The following EFR3A variants were observed in gnomAD, a reference collection of about 807,000 sequenced individuals.
The protein encoded by EFR3A is protein EFR3 homolog A.
A neutral mutation model predicts 104.4 loss-of-function variants in EFR3A; 76 were observed. The ratio of observed to expected loss-of-function variants is 0.73; its 90% confidence interval spans 0.60 to 0.88. The LOEUF is 0.88. EFR3A is among the 40% of genes least tolerant of loss of function. The probability of loss-of-function intolerance (pLI) is 0.00; values close to 1 mark genes in which losing one functional copy is unlikely to be tolerated. For missense variants in EFR3A, 985 were observed against 1,012.5 expected (o/e 0.97, Z 0.37); for synonymous variants, 330 against 330.0 (o/e 1.00, Z 0.00).
intron 1 of EFR3A, among the ~76,000 whole-genome samples, chr8:131,931,116 C>T (rs1817583910): frequency 6.6e-6 from 1 of 151,994 alleles, no homozygotes; most frequent in South Asian, 2.1e-4. Context: ...TTCTGGTATG[C>T]CATCCCAGGG....
chr8:131,918,775 TA>T, intron 1 of EFR3A, among the ~76,000 whole-genome samples: 1 of 152,240 alleles, frequency 6.6e-6, no homozygotes, highest in Non-Finnish European at 1.5e-5. Context: ...CAAACACTCC[TA>T]CAGATTTAAC....
chr8:131,938,493 A>G (rs930947398), intron 1 of EFR3A, among the ~76,000 whole-genome samples: 2 of 152,124 alleles, frequency 1.3e-5, no homozygotes, highest in African/African-American at 2.4e-5. Context: ...ATTTTAACCT[A>G]TATGCCTTCT....
chr8:131,974,569 TG>T (rs1455464101), intron 10 of EFR3A, among the ~76,000 whole-genome samples: 1 of 152,206 alleles, frequency 6.6e-6, no homozygotes, highest in Non-Finnish European at 1.5e-5. Flanking sequence ...TGTAATTTTT[TG>T]GTAAGAGTTC....
In EFR3A at chr8:131,973,210, T is replaced by A. The variant is rs577378287; in HGVS notation, c.1159+2567T>A. Among the ~76,000 whole-genome samples the A allele has an allele frequency of 1.1e-4, 16 of 152,040 alleles. 1 individual carries two copies. The highest frequency in any genetic ancestry group is 3.9e-4 in the African/African-American group (16 of 41,440). On this transcript the variant is annotated intron_variant, in intron 10 of 22. Transcript: ENST00000254624. ...CTCCAACATTACCATGGAGTCATAATAAAGCATAGACATTCTAGTTATTGC... is the reference window on the plus strand; with the variant it reads ...CTCCAACATTACCATGGAGTCATAAAAAAGCATAGACATTCTAGTTATTGC...
intron 18 of EFR3A, among the ~76,000 whole-genome samples, chr8:131,995,825 A>G (rs1821450060): frequency 6.6e-6 from 1 of 152,178 alleles, no homozygotes; most frequent in African/African-American, 2.4e-5. Flanking sequence ...TGGTCAAATT[A>G]TAAAGCAAAA....
chr8:131,930,546 T>C (rs1421962038), intron 1 of EFR3A, among the ~76,000 whole-genome samples: 2 of 151,724 alleles, frequency 1.3e-5, no homozygotes, highest in African/African-American at 4.8e-5. Context: ...TAATTTCACT[T>C]TTCCTTTACT....
chr8:131,986,294 T>C (rs1820877276), intron 17 of EFR3A, 33 bp downstream of exon 17: 2 of 1,175,606 alleles, frequency 1.7e-6, no homozygotes, highest in Non-Finnish European at 2.5e-6. Flanking sequence ...AAGGATGGGG[T>C]ACTGACTTGA....
intron 1 of EFR3A, chr8:131,935,479 A>C (rs1429408901): frequency 2.2e-6 from 1 of 447,950 alleles, no homozygotes; most frequent in Non-Finnish European, 4.5e-6. Flanking sequence ...ACCAAAATCC[A>C]GTAATCGTAG....
chr8:131,956,722 A>G (rs748523637), intron 7 of EFR3A, among the ~76,000 whole-genome samples: 5 of 152,148 alleles, frequency 3.3e-5, no homozygotes, highest in African/African-American at 4.8e-5. Flanking sequence ...ACAAGAATCT[A>G]TAAATCACAA....
At position 131,925,425 on chromosome 8, in the gene EFR3A, C is replaced by A. The variant is rs550439200; in HGVS notation, c.11-15074C>A. Among the ~76,000 whole-genome samples the A allele has an allele frequency of 5.6e-4, 85 of 152,218 alleles. 1 individual carries two copies. The highest frequency in any genetic ancestry group is 1.1e-3 in the Non-Finnish European group (76 of 67,998). ...CCTTCAATTATCAGTAAGTTACCTA[C>A]TTAGCTCTTGCAGGCAGGTAATGCA... On this transcript the variant is annotated intron_variant, in intron 1 of 22. Coordinates refer to ENST00000254624, the MANE Select transcript of EFR3A (RefSeq NM_015137.6).
intron 8 of EFR3A, among the ~76,000 whole-genome samples, chr8:131,964,968 G>A (rs1819616362): frequency 1.3e-5 from 2 of 152,066 alleles, no homozygotes; most frequent in Admixed American, 1.3e-4. Context: ...AATGGGGAAA[G>A]GATTCCCTAT....
At chr8:131,933,114 C>T (rs1008012517) in intron 1 of EFR3A, among the ~76,000 whole-genome samples, 24 of 152,022 alleles carry the variant, frequency 1.6e-4, no homozygotes, top group African/African-American at 5.6e-4. Context: ...AAGAGTACTA[C>T]TGATATTGTA....
chr8:132,002,078 C>G (rs1821808923), intron 20 of EFR3A, among the ~76,000 whole-genome samples: 1 of 152,126 alleles, frequency 6.6e-6, no homozygotes, highest in Admixed American at 6.5e-5. Context: ...CAAACTTTGG[C>G]CAGACCATAC....
chr8:131,957,245 A>G (rs936182202), intron 7 of EFR3A, among the ~76,000 whole-genome samples: 11 of 152,324 alleles, frequency 7.2e-5, no homozygotes, highest in Non-Finnish European at 1.0e-4. Context: ...ATTGACATGC[A>G]TAATATTTAT....
In EFR3A at chr8:131,949,965, T is replaced by C; in HGVS notation, c.367-4T>C. ...AAGTATATTATATTATTTGTGTTTT[T>C]TAGTTTGTCAAATTTGCAAATATTG... is the stretch of plus-strand genomic sequence containing the variant. On this transcript the variant is annotated splice_polypyrimidine_tract_variant and splice_region_variant and intron_variant, in intron 4 of 22. Coordinates refer to ENST00000254624, the MANE Select transcript of EFR3A (RefSeq NM_015137.6). 7 of 1,586,418 alleles carry C rather than the reference T, an allele frequency of 4.4e-6. No individual in the cohort carries two copies. Among genetic ancestry groups the C allele is most frequent in the South Asian group, 3.5e-5 (3 of 85,972 alleles).
rs187150397 is a variant in EFR3A at position 131,949,203 on chromosome 8, T to C, written c.367-766T>C. Among the ~76,000 whole-genome samples, 843 of 152,226 alleles carry C rather than the reference T, an allele frequency of 5.5e-3. 4 individuals carry two copies. The highest frequency in any genetic ancestry group is 8.4e-3 in the Non-Finnish European group (570 of 67,990). The stretch of plus-strand genomic sequence containing the variant: ...CTATGCAACATTGGTTCATGTTCTT[T>C]AAAAGAAATAATACAGTATATGCTA... On this transcript the variant is annotated intron_variant, in intron 4 of 22. Coordinates refer to ENST00000254624, the MANE Select transcript of EFR3A (RefSeq NM_015137.6).
intron 1 of EFR3A, among the ~76,000 whole-genome samples, chr8:131,929,666 G>A (rs1013240288): frequency 1.3e-5 from 2 of 152,112 alleles, no homozygotes; most frequent in African/African-American, 4.8e-5. Context: ...AGTGCCTAGG[G>A]CATGGTAGGC....
At chr8:131,987,390 CA>C (rs2130765120) in intron 17 of EFR3A, among the ~76,000 whole-genome samples, 184 bp from the exon 18 acceptor site, 1 of 152,270 alleles carries the variant, frequency 6.6e-6, no homozygotes, top group East Asian at 1.9e-4. Context: ...TATGGGACCA[CA>C]TACTGTGTGT....
At chr8:131,957,350 C>CTTTTTTTTTTT (rs1185442281) in intron 7 of EFR3A, among the ~76,000 whole-genome samples, 86 of 125,900 alleles carry the variant, frequency 6.8e-4, no homozygotes, top group East Asian at 2.1e-3. Flanking sequence ...GGGCCAGGGT[C>CTTTTTTTTTTT]TTTTTTTTTT....
Sources: allele counts gnomAD v4.1 joint callset (sites outside exome capture counted in the v4.1 genomes callset), GRCh38; gene constraint gnomAD v4.1.1; transcripts MANE v1.5; gene names NCBI Gene and HGNC (gene_info 2026-07-23, HGNC 2026-07-21).